Variants in TMEM176A observed in about 807,000 individuals in gnomAD.
The protein encoded by TMEM176A is hepatocellular carcinoma-associated antigen 112.
TMEM176A carries 20 observed loss-of-function variants against 27.9 expected under a neutral mutation model. The observed-to-expected ratio is 0.72, with a 90% CI of 0.50 to 1.04. TMEM176A has a LOEUF of 1.04. Ranked by LOEUF, TMEM176A falls within the 50% of genes least tolerant of loss-of-function variation. The probability of loss-of-function intolerance (pLI) is 0.00; values close to 1 mark genes in which losing one functional copy is unlikely to be tolerated. For synonymous variants in TMEM176A, 125 were observed against 118.0 expected (o/e 1.06, Z -0.38); for missense variants, 252 against 289.1 (o/e 0.87, Z 0.93).
intron 3 of TMEM176A, 34 bp from the exon 4 acceptor site, chr7:150,803,366 T>G (rs1255991655): frequency 1.9e-6 from 3 of 1,542,134 alleles, no homozygotes; most frequent in Non-Finnish European, 2.6e-6. Context: ...GCATTTCCTG[T>G]ACTAAGCCTG....
intron 1 of TMEM176A, chr7:150,801,071 G>A (rs1798764459): frequency 1.1e-6 from 1 of 879,456 alleles, no homozygotes. Context: ...GGTGGAGCGG[G>A]AGGTCGGCGG....
At chr7:150,804,309 G>A (rs995782265) in intron 5 of TMEM176A, 53 bp from the exon 6 acceptor site, 31 of 1,403,548 alleles carry the variant, frequency 2.2e-5, no homozygotes, top group Non-Finnish European at 2.8e-5. Flanking sequence ...TGGGGACAGA[G>A]CAGGAAGGCA....
intron 3 of TMEM176A, 49 bp downstream of exon 3, chr7:150,802,374 T>C: frequency 1.3e-6 from 2 of 1,515,742 alleles, no homozygotes; most frequent in Non-Finnish European, 9.1e-7. Context: ...GGGTGGGGCA[T>C]TGCTCTCCTG....
Position 150,802,289 on chromosome 7 carries a change from C to A in TMEM176A, c.249C>A (p.Leu83=). 1.2e-6 allele frequency: 2 copies of A among 1,614,068 alleles called. No homozygotes were observed. Among genetic ancestry groups the A allele is most frequent in the African/African-American group, 1.3e-5 (1 of 74,996 alleles). Residue 83 remains leucine, a synonymous_variant, in exon 3 of 7, where the codon CTC becomes CTA. Coordinates refer to ENST00000004103, the MANE Select transcript of TMEM176A (RefSeq NM_018487.3). ...TCTACATCCGCGACTACACCCTCCT[C>A]GTCACCTCGGGAGCTGCCATCTGGA... ...GFFYIRDYTL[L]VTSGAAIWTG... is the part of the protein sequence containing the mutation.
chr7:150,804,494 C>G (rs1442386281), intron 6 of TMEM176A, 22 bp downstream of exon 6: 1 of 1,595,264 alleles, frequency 6.3e-7, no homozygotes, highest in Non-Finnish European at 8.6e-7. Flanking sequence ...AGGTGTGTGC[C>G]TGTGTATTTG....
At chr7:150,803,853 G>A (rs201760692) in intron 5 of TMEM176A, 21 bp downstream of exon 5, 423 of 1,610,868 alleles carry the variant, frequency 2.6e-4, no homozygotes, top group East Asian at 3.6e-4. Context: ...AAGGGGAAGG[G>A]GCAGCAGCAG....
chr7:150,802,251 C>A lies in TMEM176A; in HGVS notation c.211C>A (p.Leu71Ile). ...CGTGCTGGGGATCTTGAGTGCAGTC[C>A]TAGGAGGATTTTTCTACATCCGCGA... ...QIVLGILSAV[L>I]GGFFYIRDYT... Residue 71 changes from leucine to isoleucine, a missense_variant, in exon 3 of 7, where the codon CTA becomes ATA. Transcript: ENST00000004103. 1 of 1,613,314 alleles carries A rather than the reference C, an allele frequency of 6.2e-7. No homozygotes were observed. Among genetic ancestry groups the A allele is most frequent in the South Asian group, 1.1e-5 (1 of 91,010 alleles).
chr7:150,804,330 T>C (rs1298852678), intron 5 of TMEM176A, 32 bp from the exon 6 acceptor site: 1 of 1,556,182 alleles, frequency 6.4e-7, no homozygotes, highest in Admixed American at 1.7e-5. Context: ...GCTGTCATCC[T>C]GGTGCTTATG....
intron 3 of TMEM176A, chr7:150,802,755 A>T: frequency 9.9e-7 from 1 of 1,007,224 alleles, no homozygotes; most frequent in Non-Finnish European, 1.2e-6. Flanking sequence ...TTGTCAACAG[A>T]TGGGTGTGTG....
intron 6 of TMEM176A, 116 bp from the exon 7 acceptor site, chr7:150,804,711 T>G: frequency 3.5e-6 from 4 of 1,133,342 alleles, no homozygotes; most frequent in Non-Finnish European, 5.3e-6. Context: ...TGCTATGCCT[T>G]TGGATCAGGT....
chr7:150,802,112 C>CTTTT, intron 2 of TMEM176A, 103 bp from the exon 3 acceptor site: 1 of 612,650 alleles, frequency 1.6e-6, no homozygotes, highest in South Asian at 2.2e-5. Context: ...TTCTTTCTTT[C>CTTTT]TCTCTCTCTC....
chr7:150,801,941 T>A (rs1798808415), intron 2 of TMEM176A: 2 of 628,092 alleles, frequency 3.2e-6, no homozygotes. Flanking sequence ...AGAGTCCCAA[T>A]CAGTGGAGCC....
At position 150,804,357 on chromosome 7, in the gene TMEM176A, C is replaced by G; in HGVS notation, c.556-5C>G. On this transcript the variant is annotated splice_polypyrimidine_tract_variant and splice_region_variant and intron_variant, in intron 5 of 6. Coordinates refer to ENST00000004103, the MANE Select transcript of TMEM176A (RefSeq NM_018487.3). Reference sequence around the variant, plus strand: ...GTGCTTATGGCCTTGGCCCTCTGTCCCCAGGCCTTGTTCAGAACCCTTCAG... The same window carrying G: ...GTGCTTATGGCCTTGGCCCTCTGTCGCCAGGCCTTGTTCAGAACCCTTCAG... 6.2e-7 allele frequency: 1 copy of G among 1,612,892 alleles called. No individual in the cohort carries two copies. Among genetic ancestry groups the G allele is most frequent in the Non-Finnish European group, 8.5e-7 (1 of 1,178,892 alleles).
chr7:150,803,430 T>G lies in TMEM176A; in HGVS notation c.316T>G (p.Tyr106Asp). 1 of 1,597,086 alleles carries G rather than the reference T, an allele frequency of 6.3e-7. No individual in the cohort carries two copies. The highest frequency in any genetic ancestry group is 8.5e-7 in the Non-Finnish European group (1 of 1,172,388). Reference sequence around the variant, plus strand: ...GCTGGCTGGAGCTGCTGCCTTCATTTACGAGAAACGGGGTGGTACATACTG... The same window carrying G: ...GCTGGCTGGAGCTGCTGCCTTCATTGACGAGAAACGGGGTGGTACATACTG... The part of the protein sequence containing the change: ...AVLAGAAAFI[Y>D]EKRGGTYWAL... Residue 106 changes from tyrosine to aspartate, a missense_variant, in exon 4 of 7, where the codon TAC becomes GAC. Transcript: ENST00000004103.
At chr7:150,801,411 T>G (rs2116730286) in intron 1 of TMEM176A, 125 bp from the exon 2 acceptor site, 3 of 948,718 alleles carry the variant, frequency 3.2e-6, no homozygotes, top group East Asian at 2.6e-5. Context: ...GGTGCGGCCC[T>G]GTGACCAGGA....
At position 150,800,875 on chromosome 7, in the gene TMEM176A, C is replaced by G. The variant is rs1488753453; in HGVS notation, c.-16+47C>G. The G allele has an allele frequency of 3.1e-6, 3 of 981,630 alleles. No homozygotes were observed. In the African/African-American group the frequency reaches 5.3e-5, roughly 17 times the overall value. 60.8% of individuals were successfully genotyped at this position (981,630 alleles called of 1,614,324 possible). A position where few individuals can be genotyped will look rare whatever the true frequency, so the allele number is the denominator to read the frequency against. On this transcript the variant is annotated intron_variant, in intron 1 of 6. Transcript: ENST00000004103. ...GGCGGCCCCCGGGCCTCCTTCCGCA[C>G]GCACCCCGAGCTGCCTCCGCACAGT...
chr7:150,801,719 T>A lies in TMEM176A; in HGVS notation c.169T>A (p.Ser57Thr). 1 of 1,533,764 alleles carries A rather than the reference T, an allele frequency of 6.5e-7. No homozygotes were observed. The highest frequency in any genetic ancestry group is 8.7e-7 in the Non-Finnish European group (1 of 1,150,456). Reference sequence around the variant, plus strand: ...GGGCAGCAGCCGGCTGCTGGTGGCCTCGTGGGTGAGTGTGACGGCCTGCCT... The same window carrying A: ...GGGCAGCAGCCGGCTGCTGGTGGCCACGTGGGTGAGTGTGACGGCCTGCCT... ...ARGSSRLLVA[S>T]WVMQIVLGIL... The change falls in exon 2 of 7, where the codon TCG (serine) becomes ACG (threonine). Residue 57 changes from serine (S) to threonine (T), a missense_variant. Physicochemically the swap from Ser to Thr is moderately conservative, Grantham distance 58. Coordinates refer to ENST00000004103, the MANE Select transcript of TMEM176A (RefSeq NM_018487.3).
Position 150,802,269 on chromosome 7 carries a change from A to G in TMEM176A, c.229A>G (p.Ile77Val), listed in dbSNP as rs202236168. 5 of 1,613,802 alleles carry G rather than the reference A, an allele frequency of 3.1e-6. No individual in the cohort carries two copies. The highest frequency in any genetic ancestry group is 2.5e-6 in the Non-Finnish European group (3 of 1,179,960). Residue 77 changes from isoleucine (I) to valine (V), a missense_variant, in exon 3 of 7, where the codon ATC (isoleucine) becomes GTC (valine). Physicochemically the swap from Ile to Val is conservative, Grantham distance 29 (BLOSUM62 3). Coordinates refer to ENST00000004103, the MANE Select transcript of TMEM176A (RefSeq NM_018487.3). ...LSAVLGGFFY[I>V]RDYTLLVTSG... ...TGCAGTCCTAGGAGGATTTTTCTAC[A>G]TCCGCGACTACACCCTCCTCGTCAC...
intron 3 of TMEM176A, chr7:150,802,604 A>T: frequency 1.2e-6 from 1 of 852,528 alleles, no homozygotes; most frequent in East Asian, 3.8e-5. Context: ...GGATCTAAGG[A>T]CCTGCTCATC....
Sources: allele counts gnomAD v4.1 joint callset, GRCh38; gene constraint gnomAD v4.1.1; transcripts MANE v1.5; gene names NCBI Gene and HGNC (gene_info 2026-07-23, HGNC 2026-07-21).